KLHL41: variants seen among roughly 807,000 people sequenced by gnomAD.
KLHL41 encodes the protein kelch like family member 41.
Under a neutral mutation model 49.2 loss-of-function variants are expected in KLHL41, and 31 were observed. The ratio of observed to expected loss-of-function variants is 0.63; its 90% CI spans 0.47 to 0.85. The LOEUF is 0.85. KLHL41 is among the 40% of genes least tolerant of loss of function. The pLI, the probability that KLHL41 is intolerant of heterozygous loss-of-function variation, is 0.00. For missense variants in KLHL41, 663 were observed against 726.7 expected (o/e 0.91, Z 1.01); for synonymous variants, 218 against 258.5 (o/e 0.84, Z 1.50).
chr2:169,515,327 C>T (rs1684100815), intron 3 of KLHL41, among the ~76,000 whole-genome samples: 1 of 152,096 alleles, frequency 6.6e-6, no homozygotes, highest in South Asian at 2.1e-4. Context: ...GCCACCACGC[C>T]CGGTCTCTTC....
At chr2:169,520,517 T>C (rs557998244) in intron 4 of KLHL41, among the ~76,000 whole-genome samples, 2 of 152,004 alleles carry the variant, frequency 1.3e-5, no homozygotes, top group African/African-American at 4.8e-5. Flanking sequence ...AGTTGCACAA[T>C]CTCAGCTCAC....
chr2:169,520,376 C>T (rs1243138004), intron 4 of KLHL41, among the ~76,000 whole-genome samples: 4 of 151,222 alleles, frequency 2.6e-5, no homozygotes, highest in Non-Finnish European at 5.9e-5. Flanking sequence ...ACTCCTTGGG[C>T]TCAAGCAATC....
intron 3 of KLHL41, among the ~76,000 whole-genome samples, chr2:169,516,113 A>C (rs1168632291): frequency 6.6e-6 from 1 of 152,230 alleles, no homozygotes; most frequent in Non-Finnish European, 1.5e-5. Context: ...TGCCCCTGAA[A>C]AATCTGCCTG....
chr2:169,510,329 C>T lies in KLHL41; in HGVS notation c.551C>T (p.Ser184Leu). Residue 184 changes from serine to leucine, a missense_variant, in exon 1 of 6, where the codon TCA (serine) becomes TTA (leucine). By Grantham distance (145) the Ser-to-Leu change is moderately radical (BLOSUM62 -2). Around this residue, in one of 3 missense-constraint regions of KLHL41, gnomAD observed 528 missense variants for 581.0 expected, o/e 0.91. Transcript: ENST00000284669. The surrounding 1 kb of genome is among the most constrained non-coding windows in gnomAD (Gnocchi z 4.2). ...LSPQELISVI[S>L]NDSLNVEKEE... ...CCACAGGAACTGATCTCAGTCATTT[C>T]AAATGACAGCCTAAATGTAGAAAAA... is the stretch of plus-strand genomic sequence containing the variant. 2 of 1,613,924 alleles carry T rather than the reference C, an allele frequency of 1.2e-6. No individual in the cohort carries two copies. The highest frequency in any genetic ancestry group is 2.2e-5 in the South Asian group (2 of 91,054).
intron 3 of KLHL41, among the ~76,000 whole-genome samples, chr2:169,517,792 TTTAAG>T (rs1038418400): frequency 6.6e-6 from 1 of 152,238 alleles, no homozygotes; most frequent in Admixed American, 6.5e-5. Flanking sequence ...CTAATTATTC[TTTAAG>T]TTAACTGATT....
chr2:169,519,552 A>G (rs1040380580), intron 4 of KLHL41, among the ~76,000 whole-genome samples: 1 of 152,022 alleles, frequency 6.6e-6, no homozygotes, highest in Non-Finnish European at 1.5e-5. Context: ...AGATGACAAA[A>G]TTACACCAAA....
intron 1 of KLHL41, among the ~76,000 whole-genome samples, chr2:169,513,470 T>C (rs1684062263): frequency 6.6e-6 from 1 of 152,186 alleles, no homozygotes; most frequent in African/African-American, 2.4e-5. Context: ...ACATAAGGGA[T>C]CAAAATCTAG....
Position 169,510,224 on chromosome 2 carries a change from G to C in KLHL41, c.446G>C (p.Arg149Thr), listed in dbSNP as rs199530968. ...LRLGLLLDCPRLAISAREFVS... is the reference protein window; with the variant it reads ...LRLGLLLDCPTLAISAREFVS... ...TTAGGACTTCTTCTTGACTGCCCGAGACTCGCCATTTCTGCCCGTGAATTT... is the reference window on the plus strand; with the variant it reads ...TTAGGACTTCTTCTTGACTGCCCGACACTCGCCATTTCTGCCCGTGAATTT... The change falls in exon 1 of 6, where the codon AGA becomes ACA. Residue 149 changes from arginine to threonine, a missense_variant. Physicochemically the swap from Arg to Thr is moderately conservative, Grantham distance 71. This residue lies in a region of KLHL41 where 528 missense variants were observed against 581.0 expected (regional missense o/e 0.91). Coordinates refer to ENST00000284669, the MANE Select transcript of KLHL41 (RefSeq NM_006063.3). This position sits in a 1 kb window ranked among gnomAD's most constrained non-coding sequence, Gnocchi z 4.2. 6.2e-7 allele frequency: 1 copy of C among 1,613,978 alleles called. No individual in the cohort carries two copies. Among genetic ancestry groups the C allele is most frequent in the Non-Finnish European group, 8.5e-7 (1 of 1,180,034 alleles).
chr2:169,510,952 G>A lies in KLHL41; in HGVS notation c.1110+64G>A. ...AAGGCTGTTACTCACCATCCAGTTAGCCAATTTGTGAATTATTCAAGCTGC... is the reference window on the plus strand; with the variant it reads ...AAGGCTGTTACTCACCATCCAGTTAACCAATTTGTGAATTATTCAAGCTGC... On this transcript the variant is annotated intron_variant, in intron 1 of 5. Coordinates refer to ENST00000284669, the MANE Select transcript of KLHL41 (RefSeq NM_006063.3). The surrounding 1 kb of genome is among the most constrained non-coding windows in gnomAD (Gnocchi z 4.2). 1 of 1,365,654 alleles carries A rather than the reference G, an allele frequency of 7.3e-7. No homozygotes were observed. Among genetic ancestry groups the A allele is most frequent in the Admixed American group, 2.0e-5 (1 of 50,362 alleles). The allele number at this position is 1,365,654 out of a possible 1,614,324, so 84.6% of individuals were successfully genotyped here.
chr2:169,515,010 G>T, intron 3 of KLHL41, 49 bp downstream of exon 3: 1 of 1,120,054 alleles, frequency 8.9e-7, no homozygotes, highest in Non-Finnish European at 1.3e-6. Context: ...CTTTTTATTA[G>T]AAGGGTTTCT....
intron 5 of KLHL41, among the ~76,000 whole-genome samples, chr2:169,522,948 C>T (rs995262761): frequency 7.2e-5 from 11 of 151,954 alleles, no homozygotes; most frequent in African/African-American, 2.7e-4. Context: ...GTCTTGAACT[C>T]CTGACCTCAG....
In KLHL41 at chr2:169,510,395, C is replaced by A; in HGVS notation, c.617C>A (p.Thr206Lys). ...VFEAVMKWVRTDKENRVKNLS... is the reference protein window; with the variant it reads ...VFEAVMKWVRKDKENRVKNLS... ...GAGGCAGTGATGAAATGGGTGCGAACAGACAAGGAAAACAGGGTTAAAAAC... is the reference window on the plus strand; with the variant it reads ...GAGGCAGTGATGAAATGGGTGCGAAAAGACAAGGAAAACAGGGTTAAAAAC... The change falls in exon 1 of 6, where the codon ACA becomes AAA. Residue 206 changes from threonine (T) to lysine (K), a missense_variant. Thr to Lys is a moderately conservative substitution (Grantham distance 78). Around this residue, in one of 3 missense-constraint regions of KLHL41, gnomAD observed 528 missense variants for 581.0 expected, o/e 0.91. Transcript: ENST00000284669. This position sits in a 1 kb window ranked among gnomAD's most constrained non-coding sequence, Gnocchi z 4.2. 6.2e-7 allele frequency: 1 copy of A among 1,614,054 alleles called. No homozygotes were observed.
rs764897431 is a variant in KLHL41, at chr2:169,510,450, TC to T, written c.673del (p.Arg225AlafsTer3). 6.2e-7 allele frequency: 1 copy of T among 1,614,102 alleles called. No individual in the cohort carries two copies. The highest frequency in any genetic ancestry group is 8.5e-7 in the Non-Finnish European group (1 of 1,180,030). ...LSEVFDCIRFRLMTEKYFKDH... is the reference protein window; with the variant it reads ...LSEVFDCIRFXLMTEKYFKDH... ...GTGAAGTGTTTGATTGTATCCGTTTTCGCCTTATGACAGAAAAATATTTTAA... is the reference window on the plus strand; with the variant it reads ...GTGAAGTGTTTGATTGTATCCGTTTTGCCTTATGACAGAAAAATATTTTAA... On this transcript the variant is annotated frameshift_variant, in exon 1 of 6. Coordinates refer to ENST00000284669, the MANE Select transcript of KLHL41 (RefSeq NM_006063.3). LOFTEE classifies it high-confidence loss of function. This position sits in a 1 kb window ranked among gnomAD's most constrained non-coding sequence, Gnocchi z 4.2.
chr2:169,518,112 G>A, intron 3 of KLHL41, 78 bp from the exon 4 acceptor site: 5 of 1,016,210 alleles, frequency 4.9e-6, no homozygotes, highest in Non-Finnish European at 7.2e-6. Context: ...TATTTTTCAT[G>A]ACAAGCAAAG....
chr2:169,524,204 C>T (rs1461793327), intron 5 of KLHL41, among the ~76,000 whole-genome samples: 2 of 151,908 alleles, frequency 1.3e-5, no homozygotes, highest in Admixed American at 1.3e-4. Flanking sequence ...TAATTTGTTG[C>T]CCTGAATTTT....
At position 169,520,817 on chromosome 2, in the gene KLHL41, ATTTC is replaced by A. The variant is rs1018884704; in HGVS notation, c.1563-40_1563-37del. On this transcript the variant is annotated intron_variant, in intron 4 of 5. Coordinates refer to ENST00000284669, the MANE Select transcript of KLHL41 (RefSeq NM_006063.3). The stretch of plus-strand genomic sequence containing the variant: ...TAATTATTCAGTAAGTACATCTGGC[ATTTC>A]TTTAAGTTTTACATTGACTATATTT... 2.1e-6 allele frequency: 3 copies of A among 1,434,246 alleles called. No individual in the cohort carries two copies. In the African/African-American group the frequency reaches 4.3e-5, roughly 20 times the overall value. The allele number at this position is 1,434,246 out of a possible 1,614,324, so 88.8% of individuals were successfully genotyped here.
chr2:169,525,760 T>A lies in KLHL41; in HGVS notation c.*64T>A. 4.4e-6 allele frequency: 4 copies of A among 915,882 alleles called. 1 individual carries two copies. The highest frequency in any genetic ancestry group is 4.3e-5 in the South Asian group (3 of 69,176). 56.7% of individuals were successfully genotyped at this position (915,882 alleles called of 1,614,324 possible). Reference sequence around the variant, plus strand: ...TTTGGTGAATGGGGCTTTAATTTATTCTGTTTTTTAAAAGCTTGTACAGAC... The same window carrying A: ...TTTGGTGAATGGGGCTTTAATTTATACTGTTTTTTAAAAGCTTGTACAGAC... On this transcript the variant is annotated 3_prime_UTR_variant, in exon 6 of 6. Transcript: ENST00000284669.
intron 5 of KLHL41, among the ~76,000 whole-genome samples, chr2:169,522,268 A>G (rs180734775): frequency 9.8e-5 from 15 of 152,326 alleles, no homozygotes; most frequent in Admixed American, 9.2e-4. Flanking sequence ...CCTTAACCAA[A>G]CAATGATTTG....
chr2:169,523,264 G>A (rs922243558), intron 5 of KLHL41, among the ~76,000 whole-genome samples: 5 of 152,286 alleles, frequency 3.3e-5, no homozygotes, highest in East Asian at 1.9e-4. Context: ...TTTATTTTGC[G>A]ATTAGAGCAG....
Sources: gnomAD v4.1 joint callset for allele counts (sites outside exome capture counted in the v4.1 genomes callset) on GRCh38, gnomAD v4.1.1 for gene constraint, gnomAD v4.1.1 regional missense constraint, Gnocchi (gnomAD v3.1) non-coding constraint, MANE v1.5 for transcripts, NCBI Gene and HGNC (gene_info 2026-07-23, HGNC 2026-07-21) for gene names.